Variants in CORO2B observed in about 807,000 individuals in gnomAD.
CORO2B encodes coronin 2B, also known as coronin-2B.
In CORO2B, 26 loss-of-function variants were observed where a neutral mutation model predicts 58.8. The observed-to-expected ratio is 0.44, with a 90% CI of 0.32 to 0.61. CORO2B has a LOEUF of 0.61. CORO2B is among the 20% of genes least tolerant of loss of function. CORO2B has a pLI of 0.04. For missense variants in CORO2B, 460 were observed against 645.1 expected (o/e 0.71, Z 3.11); for synonymous variants, 242 against 253.8 (o/e 0.95, Z 0.44).
chr15:68,590,238 C>T (rs963541285), intron 1 of CORO2B, among the ~76,000 whole-genome samples: 1 of 151,996 alleles, frequency 6.6e-6, no homozygotes, highest in African/African-American at 2.4e-5. Context: ...CCCTCTGCAC[C>T]ACCGCCCCCC....
chr15:68,634,035 C>T (rs996606328), intron 1 of CORO2B, among the ~76,000 whole-genome samples: 6 of 152,380 alleles, frequency 3.9e-5, no homozygotes, highest in Admixed American at 1.3e-4. Context: ...TCGGCAGTGG[C>T]AGCTATGCCT....
At chr15:68,667,121 C>G (rs1432867819) in intron 2 of CORO2B, among the ~76,000 whole-genome samples, 1 of 152,184 alleles carries the variant, frequency 6.6e-6, no homozygotes, top group Non-Finnish European at 1.5e-5. Flanking sequence ...CTAAAAACCC[C>G]TAAGGCCTCC....
chr15:68,541,055 C>T, the CORO2B span, among the ~76,000 whole-genome samples: 2 of 152,074 alleles, frequency 1.3e-5, no homozygotes, highest in Non-Finnish European at 2.9e-5. Context: ...TATTGTAAAA[C>T]CCCATCTCTA....
the CORO2B span, among the ~76,000 whole-genome samples, chr15:68,555,860 G>C: frequency 6.6e-6 from 1 of 152,108 alleles, no homozygotes; most frequent in Non-Finnish European, 1.5e-5. Context: ...TCCGTGCTGA[G>C]CGCCAAACTT....
chr15:68,663,448 C>T (rs762709225), intron 2 of CORO2B, among the ~76,000 whole-genome samples: 7 of 152,132 alleles, frequency 4.6e-5, no homozygotes, highest in Non-Finnish European at 7.3e-5. Flanking sequence ...TGAAGAGGTA[C>T]GTGCTTTCTT....
At chr15:68,604,541 T>G (rs1193885966) in intron 1 of CORO2B, among the ~76,000 whole-genome samples, 2 of 151,438 alleles carry the variant, frequency 1.3e-5, no homozygotes, top group Admixed American at 1.3e-4. Context: ...CTCAGCAGCA[T>G]GGCTAGAATA....
chr15:68,652,772 C>T (rs929744420), intron 2 of CORO2B, among the ~76,000 whole-genome samples: 1 of 152,186 alleles, frequency 6.6e-6, no homozygotes, highest in Non-Finnish European at 1.5e-5. Context: ...GAAACAGAGG[C>T]TCAGAAAAGT....
chr15:68,553,607 AC>A, the CORO2B span, among the ~76,000 whole-genome samples: 1 of 152,192 alleles, frequency 6.6e-6, no homozygotes, highest in African/African-American at 2.4e-5. Context: ...GCTATTTTAA[AC>A]CACCACATGT....
At chr15:68,707,850 C>A (rs1451408711) in intron 3 of CORO2B, among the ~76,000 whole-genome samples, 1 of 152,114 alleles carries the variant, frequency 6.6e-6, no homozygotes, top group African/African-American at 2.4e-5. Context: ...ACTTCCAGAC[C>A]AGTCTTCATC....
rs144768135 is a variant in CORO2B at position 68,596,474 on chromosome 15, C to T, written c.15+17197C>T. ...GAGAGAAGCAATTTTGAGGCTCCAGCAGGAGCCTGCCTGCCACGGAAAGCA... is the reference window on the plus strand; with the variant it reads ...GAGAGAAGCAATTTTGAGGCTCCAGTAGGAGCCTGCCTGCCACGGAAAGCA... On this transcript the variant is annotated intron_variant, in intron 1 of 11. Transcript: ENST00000261861. 1.6e-4 allele frequency among the ~76,000 whole-genome samples: 24 copies of T among 152,230 alleles called. No homozygotes were observed. The East Asian group carries it at 3.9e-3, about 25-fold the overall frequency.
At chr15:68,670,333 C>A (rs1488243727) in intron 2 of CORO2B, among the ~76,000 whole-genome samples, 1 of 152,074 alleles carries the variant, frequency 6.6e-6, no homozygotes, top group African/African-American at 2.4e-5. Flanking sequence ...CACCACTAAG[C>A]CTGGTTAATT....
the CORO2B span, among the ~76,000 whole-genome samples, chr15:68,547,543 C>T: frequency 1.3e-5 from 2 of 151,978 alleles, no homozygotes; most frequent in East Asian, 1.9e-4. Flanking sequence ...GGGGTTTTAC[C>T]GTGTTAGCCA....
chr15:68,692,459 C>T (rs1368176622), intron 2 of CORO2B, among the ~76,000 whole-genome samples: 2 of 151,734 alleles, frequency 1.3e-5, no homozygotes, highest in African/African-American at 4.8e-5. Context: ...ATGGCTGACA[C>T]GTGTAGTCCC....
At chr15:68,598,450 A>G (rs936623220) in intron 1 of CORO2B, among the ~76,000 whole-genome samples, 3 of 152,164 alleles carry the variant, frequency 2.0e-5, no homozygotes, top group Non-Finnish European at 2.9e-5. Flanking sequence ...TGGGGAAAAA[A>G]TGATCCAAGG....
At chr15:68,585,900 A>G (rs1899543799) in intron 1 of CORO2B, among the ~76,000 whole-genome samples, 1 of 152,208 alleles carries the variant, frequency 6.6e-6, no homozygotes, top group Non-Finnish European at 1.5e-5. Flanking sequence ...CGAGGGCAGA[A>G]CAAAGTATGA....
intron 1 of CORO2B, among the ~76,000 whole-genome samples, chr15:68,605,718 T>TTG (rs1389029931): frequency 5.7e-5 from 7 of 123,876 alleles, no homozygotes; most frequent in African/African-American, 2.1e-4. Flanking sequence ...TGGGTTTTTT[T>TTG]TTTTTTTTTT....
chr15:68,724,839 G>T (rs1313247603), intron 11 of CORO2B, among the ~76,000 whole-genome samples: 1 of 152,112 alleles, frequency 6.6e-6, no homozygotes, highest in Non-Finnish European at 1.5e-5. Flanking sequence ...TGCCTTCCAG[G>T]GCTCGGCGTT....
chr15:68,685,722 C>T (rs118040864), intron 2 of CORO2B, among the ~76,000 whole-genome samples: 2 of 152,110 alleles, frequency 1.3e-5, no homozygotes, highest in East Asian at 3.9e-4. Flanking sequence ...ATGCCTGGCT[C>T]CTGCCTCTCA....
intron 1 of CORO2B, among the ~76,000 whole-genome samples, chr15:68,596,020 G>A (rs145968734): frequency 4.7e-4 from 72 of 152,136 alleles, no homozygotes; most frequent in African/African-American, 1.7e-3. Context: ...AGTGTGGAGG[G>A]TCGGGGGCTG....
Sources: gnomAD v4.1 joint callset for allele counts (sites outside exome capture counted in the v4.1 genomes callset) on GRCh38, gnomAD v4.1.1 for gene constraint, MANE v1.5 for transcripts, NCBI Gene and HGNC (gene_info 2026-07-23, HGNC 2026-07-21) for gene names.